CDH9: variants seen among roughly 807,000 people sequenced by gnomAD.
CDH9 encodes cadherin-9.
In CDH9, 28 loss-of-function variants were observed where a neutral mutation model predicts 70.9. The ratio of observed to expected loss-of-function variants is 0.40; its 90% CI spans 0.29 to 0.54. CDH9 has a LOEUF of 0.54. Among genes scored for constraint, CDH9 ranks in the 20% least tolerant of loss-of-function variants. CDH9 has a pLI of 0.59. For missense variants in CDH9, 874 were observed against 984.4 expected, an observed-to-expected ratio of 0.89 and a Z score of 1.50; for synonymous variants, 409 against 343.1, an observed-to-expected ratio of 1.19 and a Z score of -2.12.
chr5:26,989,428 A>C (rs1435691490), intron 1 of CDH9, among the ~76,000 whole-genome samples: 1 of 152,068 alleles, frequency 6.6e-6, no homozygotes, highest in Non-Finnish European at 1.5e-5. Flanking sequence ...TAACAAAAGG[A>C]GCAAAGAAGC....
At chr5:26,919,521 C>T (rs973215774) in intron 2 of CDH9, among the ~76,000 whole-genome samples, 4 of 152,146 alleles carry the variant, frequency 2.6e-5, no homozygotes, top group African/African-American at 9.7e-5. Context: ...TTGGACAAGT[C>T]CTGGTGCCTT....
At chr5:26,899,715 T>C (rs1316982522) in intron 7 of CDH9, among the ~76,000 whole-genome samples, 1 of 151,592 alleles carries the variant, frequency 6.6e-6, no homozygotes, top group East Asian at 2.0e-4. Flanking sequence ...CCAGGGCCTG[T>C]CAGGGGTTGG....
At chr5:26,989,935 A>G (rs1742552910) in intron 1 of CDH9, among the ~76,000 whole-genome samples, 1 of 152,166 alleles carries the variant, frequency 6.6e-6, no homozygotes, top group East Asian at 1.9e-4. Context: ...ATAGTCGTGT[A>G]CATTGCAGTG....
chr5:26,961,778 G>T (rs10805793), intron 2 of CDH9, among the ~76,000 whole-genome samples: 4 of 151,932 alleles, frequency 2.6e-5, no homozygotes, highest in Non-Finnish European at 4.4e-5. Context: ...ATGCAGTTTC[G>T]TCACCACCCA....
In CDH9 at chr5:26,940,177, A is replaced by G. The variant is rs986298821; in HGVS notation, c.229-24253T>C. ...GACTCAGTTGCAAAAAAAAAAAAAG[A>G]AAGGAGATTTTTTTGACAAATTACC... On this transcript the variant is annotated intron_variant, in intron 2 of 11. Transcript: ENST00000231021. Among the ~76,000 whole-genome samples the G allele has an allele frequency of 2.7e-5, 4 of 147,622 alleles. No individual in the cohort carries two copies. The Admixed American group carries it at 2.7e-4, about 10-fold the overall frequency.
chr5:26,884,835 A>G (rs1740532922), intron 11 of CDH9, among the ~76,000 whole-genome samples: 1 of 152,196 alleles, frequency 6.6e-6, no homozygotes, highest in South Asian at 2.1e-4. Context: ...TTTCCAGTGG[A>G]ACAACTGTTT....
intron 2 of CDH9, among the ~76,000 whole-genome samples, chr5:26,973,529 G>A (rs1038757763): frequency 4.0e-5 from 6 of 151,844 alleles, no homozygotes; most frequent in African/African-American, 7.3e-5. Flanking sequence ...ATTCAAGACC[G>A]AATTTAAATT....
intron 3 of CDH9, among the ~76,000 whole-genome samples, chr5:26,907,151 T>C (rs1740963283): frequency 6.6e-6 from 1 of 152,098 alleles, no homozygotes; most frequent in Non-Finnish European, 1.5e-5. Flanking sequence ...ATTCTTAAAA[T>C]GAATATAACA....
At chr5:26,926,781 A>G (rs1345416545) in intron 2 of CDH9, among the ~76,000 whole-genome samples, 1 of 152,022 alleles carries the variant, frequency 6.6e-6, no homozygotes, top group Non-Finnish European at 1.5e-5. Flanking sequence ...AGGCCTCAGA[A>G]ACACCGCCAC....
At chr5:26,895,344 A>C (rs1414909884) in intron 7 of CDH9, among the ~76,000 whole-genome samples, 1 of 152,006 alleles carries the variant, frequency 6.6e-6, no homozygotes, top group African/African-American at 2.4e-5. Flanking sequence ...TTATTGTTAG[A>C]TTATTATTAT....
chr5:26,902,101 T>C (rs1444954244), intron 7 of CDH9, among the ~76,000 whole-genome samples: 1 of 151,936 alleles, frequency 6.6e-6, no homozygotes, highest in Non-Finnish European at 1.5e-5. Flanking sequence ...ATAAAGGTAT[T>C]AAAATCATTG....
intron 2 of CDH9, among the ~76,000 whole-genome samples, chr5:26,981,600 T>C (rs1742400583): frequency 6.6e-6 from 1 of 152,088 alleles, no homozygotes; most frequent in South Asian, 2.1e-4. Flanking sequence ...ATCATGTTTT[T>C]ATACATGCTT....
At chr5:26,926,684 A>T (rs1227891056) in intron 2 of CDH9, among the ~76,000 whole-genome samples, 1 of 152,122 alleles carries the variant, frequency 6.6e-6, no homozygotes, top group Non-Finnish European at 1.5e-5. Context: ...ATGCTACCTG[A>T]CTTCAAACTA....
intron 2 of CDH9, among the ~76,000 whole-genome samples, chr5:26,923,494 C>A (rs1741283062): frequency 6.6e-6 from 1 of 151,960 alleles, no homozygotes; most frequent in Admixed American, 6.6e-5. Context: ...CAACACACCA[C>A]TGTCAGCATT....
At chr5:27,013,235 CT>C (rs1358616813) in intron 1 of CDH9, among the ~76,000 whole-genome samples, 1 of 151,886 alleles carries the variant, frequency 6.6e-6, no homozygotes, top group African/African-American at 2.4e-5. Flanking sequence ...CTTTAAGGCA[CT>C]TTTTTAGTTT....
chr5:26,945,173 C>T (rs977767358), intron 2 of CDH9, among the ~76,000 whole-genome samples: 1 of 151,320 alleles, frequency 6.6e-6, no homozygotes, highest in Non-Finnish European at 1.5e-5. Flanking sequence ...CTCTTAAACC[C>T]GAATTACCCT....
intron 3 of CDH9, among the ~76,000 whole-genome samples, chr5:26,914,970 C>T (rs1190805801): frequency 1.3e-5 from 2 of 151,892 alleles, no homozygotes; most frequent in African/African-American, 4.8e-5. Context: ...AAACTCCGCA[C>T]AAGTGGTATC....
intron 1 of CDH9, among the ~76,000 whole-genome samples, chr5:26,993,969 G>A (rs542959970): frequency 1.3e-5 from 2 of 152,206 alleles, no homozygotes; most frequent in South Asian, 4.1e-4. Flanking sequence ...TTATTCTCAA[G>A]GCTTAAAATC....
intron 7 of CDH9, among the ~76,000 whole-genome samples, chr5:26,900,680 T>C (rs1740839763): frequency 6.6e-6 from 1 of 152,110 alleles, no homozygotes; most frequent in Non-Finnish European, 1.5e-5. Context: ...TTTCCAGTAA[T>C]GTGTGATTGC....
Sources: gnomAD v4.1 joint callset for allele counts (sites outside exome capture counted in the v4.1 genomes callset) on GRCh38, gnomAD v4.1.1 for gene constraint, MANE v1.5 for transcripts, NCBI Gene and HGNC (gene_info 2026-07-23, HGNC 2026-07-21) for gene names.